Variants in PPP2R2A observed in about 807,000 individuals in gnomAD.
PPP2R2A encodes serine/threonine-protein phosphatase 2A 55 kDa regulatory subunit B alpha isoform.
A neutral mutation model predicts 53.2 loss-of-function variants in PPP2R2A; 9 were observed. That is an observed-to-expected ratio of 0.17 (90% CI 0.10 to 0.30). PPP2R2A has a LOEUF of 0.30. Ranked by LOEUF, PPP2R2A falls within the 10% of genes least tolerant of loss-of-function variation. The probability of loss-of-function intolerance (pLI) is 1.00; values close to 1 mark genes in which losing one functional copy is unlikely to be tolerated. For missense variants in PPP2R2A, 235 were observed against 534.6 expected, an observed-to-expected ratio of 0.44 and a Z score of 5.53; for synonymous variants, 169 against 174.2, an observed-to-expected ratio of 0.97 and a Z score of 0.23.
Position 26,371,550 on chromosome 8 carries a change from CTTT to C in PPP2R2A, c.*1141_*1143del, listed in dbSNP as rs1016060673. 1.3e-5 allele frequency: 2 copies of C among 152,000 alleles called. No individual in the cohort carries two copies. The highest frequency in any genetic ancestry group is 2.4e-5 in the African/African-American group (1 of 41,406). 9.4% of individuals were successfully genotyped at this position (152,000 alleles called of 1,614,324 possible). The stretch of plus-strand genomic sequence containing the variant: ...ATAAAACATTTTTAACAAGTTAGAA[CTTT>C]TTTGTTATTCAGTCATATAAAATAG... On this transcript the variant is annotated 3_prime_UTR_variant, in exon 10 of 10. Coordinates refer to ENST00000380737, the MANE Select transcript of PPP2R2A (RefSeq NM_002717.4).
chr8:26,332,573 A>G (rs1803442263), intron 2 of PPP2R2A, among the ~76,000 whole-genome samples: 1 of 152,024 alleles, frequency 6.6e-6, no homozygotes, highest in African/African-American at 2.4e-5. Context: ...GATTTTTCTT[A>G]AGCATTTACT....
In PPP2R2A at chr8:26,370,128, TCA is replaced by T. The variant is rs777592803; in HGVS notation, c.1065-3_1065-2del. ...GTTTGACTGAGTGTACTGTCTATTT[TCA>T]CAGTGTTGTCATGACTGGATCTTAC... is the stretch of plus-strand genomic sequence containing the variant. On this transcript the variant is annotated splice_region_variant and splice_polypyrimidine_tract_variant and intron_variant, in intron 9 of 9. Transcript: ENST00000380737. The surrounding 1 kb of genome is among the most constrained non-coding windows in gnomAD (Gnocchi z 6.1). 5.6e-6 allele frequency: 9 copies of T among 1,611,942 alleles called. No homozygotes were observed. The African/African-American group carries it at 1.1e-4, about 19-fold the overall frequency.
chr8:26,360,604 G>A lies in PPP2R2A; in HGVS notation c.459+323G>A. 1 of 283,644 alleles carries A rather than the reference G, an allele frequency of 3.5e-6. No homozygotes were observed. Among genetic ancestry groups the A allele is most frequent in the South Asian group, 9.6e-5 (1 of 10,418 alleles). The allele number at this position is 283,644 out of a possible 1,614,324, so 17.6% of individuals were successfully genotyped here. A position where few individuals can be genotyped will look rare whatever the true frequency, so the allele number is the denominator to read the frequency against. The stretch of plus-strand genomic sequence containing the variant: ...TTTGGAAATCAAAAAAGTAGATACA[G>A]ATCAAATCTTCTAGTTGTAGCTAAA... On this transcript the variant is annotated intron_variant, in intron 5 of 9. Coordinates refer to ENST00000380737, the MANE Select transcript of PPP2R2A (RefSeq NM_002717.4). The surrounding 1 kb of genome is among the most constrained non-coding windows in gnomAD (Gnocchi z 4.5).
intron 1 of PPP2R2A, chr8:26,293,019 A>G: frequency 2.3e-6 from 1 of 435,020 alleles, no homozygotes; most frequent in East Asian, 3.4e-5. Flanking sequence ...TGACATTAGC[A>G]AAATGAATTC....
chr8:26,371,083 AAAT>A lies in PPP2R2A; in HGVS notation c.*673_*675del. 1 of 152,660 alleles carries A rather than the reference AAAT, an allele frequency of 6.6e-6. No homozygotes were observed. Among genetic ancestry groups the A allele is most frequent in the African/African-American group, 2.4e-5 (1 of 41,538 alleles). 9.5% of individuals were successfully genotyped at this position (152,660 alleles called of 1,614,324 possible). A position where few individuals can be genotyped will look rare whatever the true frequency, so the allele number is the denominator to read the frequency against. The stretch of plus-strand genomic sequence containing the variant: ...CACTCCTCGCCGTGTCTGGCACTGA[AAAT>A]AAGGAAAAAAAACCTACTACTGAAT... On this transcript the variant is annotated 3_prime_UTR_variant, in exon 10 of 10. Coordinates refer to ENST00000380737, the MANE Select transcript of PPP2R2A (RefSeq NM_002717.4).
intron 2 of PPP2R2A, among the ~76,000 whole-genome samples, chr8:26,311,853 C>T (rs1034667182): frequency 3.9e-5 from 6 of 151,976 alleles, no homozygotes; most frequent in African/African-American, 1.2e-4. Context: ...GCACCTAGAA[C>T]ATGCAGGAGG....
intron 3 of PPP2R2A, among the ~76,000 whole-genome samples, chr8:26,346,646 G>C (rs1804232077): frequency 1.3e-5 from 2 of 151,532 alleles, no homozygotes; most frequent in African/African-American, 4.9e-5. Context: ...TATTGAAATT[G>C]GGTTCTTTCT....
In PPP2R2A at chr8:26,362,752, C is replaced by A. The variant is rs777987578; in HGVS notation, c.706C>A (p.Pro236Thr). The A allele has an allele frequency of 1.2e-6, 2 of 1,613,974 alleles. No individual in the cohort carries two copies. Among genetic ancestry groups the A allele is most frequent in the Non-Finnish European group, 1.7e-6 (2 of 1,179,880 alleles). Residue 236 changes from proline (P) to threonine (T), a missense_variant, in exon 7 of 10, where the codon CCA (proline) becomes ACA (threonine). Coordinates refer to ENST00000380737, the MANE Select transcript of PPP2R2A (RefSeq NM_002717.4). The surrounding 1 kb of genome is among the most constrained non-coding windows in gnomAD (Gnocchi z 4.4). ...GGTGATTACAGCAGCAGAATTTCATCCAAACAGCTGTAACACATTTGTATA... is the reference window on the plus strand; with the variant it reads ...GGTGATTACAGCAGCAGAATTTCATACAAACAGCTGTAACACATTTGTATA... ...TEVITAAEFH[P>T]NSCNTFVYSS...
chr8:26,359,779 C>T (rs968063667), intron 4 of PPP2R2A, among the ~76,000 whole-genome samples: 1 of 152,122 alleles, frequency 6.6e-6, no homozygotes, highest in Non-Finnish European at 1.5e-5. Context: ...TAATCAACTT[C>T]ATTGTTCCCT....
rs979673760 is a variant in PPP2R2A at position 26,370,059 on chromosome 8, A to C, written c.1065-75A>C. 1.9e-5 allele frequency: 28 copies of C among 1,473,144 alleles called. No homozygotes were observed. Among genetic ancestry groups the C allele is most frequent in the Non-Finnish European group, 2.1e-5 (23 of 1,074,628 alleles). 91.3% of individuals were successfully genotyped at this position (1,473,144 alleles called of 1,614,324 possible). On this transcript the variant is annotated intron_variant, in intron 9 of 9. Coordinates refer to ENST00000380737, the MANE Select transcript of PPP2R2A (RefSeq NM_002717.4). This position sits in a 1 kb window ranked among gnomAD's most constrained non-coding sequence, Gnocchi z 6.1. ...CTTTTGAAGTAGCTTCCTATGGTTT[A>C]ATTGCCGAATCATTTTACTTGAAAA... is the stretch of plus-strand genomic sequence containing the variant.
intron 3 of PPP2R2A, among the ~76,000 whole-genome samples, chr8:26,344,344 T>G (rs1236127618): frequency 6.6e-6 from 1 of 152,172 alleles, no homozygotes; most frequent in Non-Finnish European, 1.5e-5. Context: ...GCTAATTCTG[T>G]GTAAATTTGG....
At chr8:26,318,285 T>A (rs543127402) in intron 2 of PPP2R2A, among the ~76,000 whole-genome samples, 1 of 152,234 alleles carries the variant, frequency 6.6e-6, no homozygotes, top group Non-Finnish European at 1.5e-5. Context: ...ATATTTTTTA[T>A]GACATGAAAC....
chr8:26,314,854 G>T (rs1802462869), intron 2 of PPP2R2A, among the ~76,000 whole-genome samples: 1 of 135,274 alleles, frequency 7.4e-6, no homozygotes. Context: ...TCTGGATCTT[G>T]GACTTTTTGT....
chr8:26,338,785 A>G lies in PPP2R2A; in HGVS notation c.83-105A>G. 3.0e-6 allele frequency: 2 copies of G among 668,288 alleles called. No individual in the cohort carries two copies. Among genetic ancestry groups the G allele is most frequent in the Non-Finnish European group, 5.1e-6 (2 of 394,878 alleles). The allele number at this position is 668,288 out of a possible 1,614,324, so 41.4% of individuals were successfully genotyped here. A position where few individuals can be genotyped will look rare whatever the true frequency, so the allele number is the denominator to read the frequency against. ...TGGGTGGTTGATGTACTTCAAAGATATACTTCATAGACTTGGAATGTTTGG... is the reference window on the plus strand; with the variant it reads ...TGGGTGGTTGATGTACTTCAAAGATGTACTTCATAGACTTGGAATGTTTGG... On this transcript the variant is annotated intron_variant, in intron 2 of 9. Coordinates refer to ENST00000380737, the MANE Select transcript of PPP2R2A (RefSeq NM_002717.4). This position sits in a 1 kb window ranked among gnomAD's most constrained non-coding sequence, Gnocchi z 4.5.
At chr8:26,327,939 C>T (rs187414587) in intron 2 of PPP2R2A, among the ~76,000 whole-genome samples, 2 of 152,224 alleles carry the variant, frequency 1.3e-5, no homozygotes, top group East Asian at 3.9e-4. Context: ...CTGTTTTGTG[C>T]CGGAATGTTT....
intron 4 of PPP2R2A, among the ~76,000 whole-genome samples, chr8:26,355,246 G>A (rs956183313): frequency 2.0e-5 from 3 of 152,068 alleles, no homozygotes; most frequent in Non-Finnish European, 4.4e-5. Flanking sequence ...CTCTCCTACT[G>A]TTTACTTGCC....
intron 9 of PPP2R2A, among the ~76,000 whole-genome samples, chr8:26,367,273 A>G: frequency 6.6e-6 from 1 of 152,176 alleles, no homozygotes; most frequent in South Asian, 2.1e-4. Flanking sequence ...TGCTACTACT[A>G]AACCTGAGGC....
At chr8:26,298,511 CTA>C (rs1400692715) in intron 2 of PPP2R2A, 2 of 152,250 alleles carry the variant, frequency 1.3e-5, no homozygotes, top group Non-Finnish European at 1.5e-5. Context: ...ACATCACACA[CTA>C]TGATTAAATT....
At chr8:26,346,276 G>A (rs1011920614) in intron 3 of PPP2R2A, among the ~76,000 whole-genome samples, 2 of 152,036 alleles carry the variant, frequency 1.3e-5, no homozygotes, top group Non-Finnish European at 2.9e-5. Flanking sequence ...GAGTAGCTGG[G>A]ATTACAGACG....
Sources: gnomAD v4.1 joint callset for allele counts (sites outside exome capture counted in the v4.1 genomes callset) on GRCh38, gnomAD v4.1.1 for gene constraint, Gnocchi (gnomAD v3.1) non-coding constraint, MANE v1.5 for transcripts, NCBI Gene and HGNC (gene_info 2026-07-23, HGNC 2026-07-21) for gene names.